The following NDST3 variants were observed in gnomAD, a reference collection of about 807,000 sequenced individuals.
The protein encoded by NDST3 is bifunctional heparan sulfate N-deacetylase/N-sulfotransferase 3.
In NDST3, 58 loss-of-function variants were observed where a neutral mutation model predicts 96.1. That is an observed-to-expected ratio of 0.60 (90% confidence interval 0.49 to 0.75). The LOEUF (loss-of-function observed/expected upper bound fraction) is 0.75. NDST3 is among the 30% of genes least tolerant of loss of function. The pLI is 0.00. For missense variants in NDST3, 788 were observed against 1,034.2 expected, an observed-to-expected ratio of 0.76 and a Z score of 3.27; for synonymous variants, 333 against 359.7, an observed-to-expected ratio of 0.93 and a Z score of 0.84.
intron 6 of NDST3, among the ~76,000 whole-genome samples, chr4:118,163,013 C>G (rs1371249536): frequency 6.6e-6 from 1 of 151,636 alleles, no homozygotes; most frequent in Non-Finnish European, 1.5e-5. Context: ...CTCACCATCA[C>G]TGGCCATCAG....
intron 6 of NDST3, chr4:118,194,002 C>T: frequency 1.8e-6 from 2 of 1,130,924 alleles, no homozygotes; most frequent in Non-Finnish European, 2.7e-6. Context: ...CTGAATTCAT[C>T]TCCCAAGACT....
chr4:118,138,077 GGGCTACGCTGT>G lies in NDST3; in HGVS notation c.1252_1262del (p.Tyr418ProfsTer15). On this transcript the variant is annotated frameshift_variant, in exon 5 of 14. Coordinates refer to ENST00000296499, the MANE Select transcript of NDST3 (RefSeq NM_004784.3). LOFTEE classifies it high-confidence loss of function. Reference sequence around the variant, plus strand: ...AGGAGCACGGCATTCCAACGGACATGGGCTACGCTGTGGCCCCTCACCATTCGGGCGTCTAC... The same window carrying G: ...AGGAGCACGGCATTCCAACGGACATGGGCCCCTCACCATTCGGGCGTCTAC... The G allele has an allele frequency of 6.2e-7, 1 of 1,612,260 alleles. No individual in the cohort carries two copies. Among genetic ancestry groups the G allele is most frequent in the Non-Finnish European group, 8.5e-7 (1 of 1,179,180 alleles).
In NDST3 at chr4:118,258,393, C is replaced by A. The variant is rs1045888061; in HGVS notation, c.*2681C>A. ...ATATGAGAGAATAATGAGAGATAAT[C>A]TGATTTAAAACTAGCTTTGTATAGA... On this transcript the variant is annotated 3_prime_UTR_variant, in exon 14 of 14. Coordinates refer to ENST00000296499, the MANE Select transcript of NDST3 (RefSeq NM_004784.3). 6 of 152,162 alleles carry A rather than the reference C, an allele frequency of 3.9e-5. No individual in the cohort carries two copies. The highest frequency in any genetic ancestry group is 1.4e-4 in the African/African-American group (6 of 41,426). The allele number at this position is 152,162 out of a possible 1,614,324, so 9.4% of individuals were successfully genotyped here.
chr4:118,189,201 CA>C (rs1441297837), intron 6 of NDST3, among the ~76,000 whole-genome samples: 2 of 152,084 alleles, frequency 1.3e-5, no homozygotes, highest in East Asian at 3.9e-4. Flanking sequence ...AGGTACACGC[CA>C]GCATGCCTGG....
At chr4:118,168,896 C>T in intron 6 of NDST3, among the ~76,000 whole-genome samples, 1 of 152,080 alleles carries the variant, frequency 6.6e-6, no homozygotes, top group East Asian at 1.9e-4. Context: ...CTGCTTGATT[C>T]CACTTAACAT....
intron 3 of NDST3, among the ~76,000 whole-genome samples, chr4:118,110,065 G>C (rs1730516938): frequency 6.6e-6 from 1 of 152,022 alleles, no homozygotes; most frequent in Non-Finnish European, 1.5e-5. Context: ...AACTTAAAGG[G>C]GCCCAAGGTC....
At chr4:118,164,886 G>T (rs1205942080) in intron 6 of NDST3, among the ~76,000 whole-genome samples, 1 of 152,012 alleles carries the variant, frequency 6.6e-6, no homozygotes, top group Non-Finnish European at 1.5e-5. Context: ...ACTATAAGAT[G>T]TTTTATGTAA....
At chr4:118,072,333 T>G (rs1727148307) in intron 2 of NDST3, among the ~76,000 whole-genome samples, 1 of 152,172 alleles carries the variant, frequency 6.6e-6, no homozygotes, top group African/African-American at 2.4e-5. Flanking sequence ...ATGGCAATTT[T>G]AACAATATTG....
chr4:118,173,438 G>A (rs553528635), intron 6 of NDST3, among the ~76,000 whole-genome samples: 1 of 152,076 alleles, frequency 6.6e-6, no homozygotes, highest in African/African-American at 2.4e-5. Flanking sequence ...TATCCTAAGG[G>A]ATGTAGTATA....
intron 6 of NDST3, among the ~76,000 whole-genome samples, chr4:118,185,429 G>C (rs1421073369): frequency 2.7e-5 from 4 of 150,502 alleles, no homozygotes; most frequent in African/African-American, 9.7e-5. Flanking sequence ...ATAAGATAAA[G>C]TGGTATCTAA....
intron 2 of NDST3, among the ~76,000 whole-genome samples, chr4:118,087,058 T>C (rs1728481877): frequency 6.6e-6 from 1 of 152,072 alleles, no homozygotes; most frequent in Non-Finnish European, 1.5e-5. Context: ...TTTTTTTTTG[T>C]TTCTAGACAA....
intron 1 of NDST3, among the ~76,000 whole-genome samples, chr4:118,051,639 G>T (rs1463009181): frequency 6.6e-6 from 1 of 151,924 alleles, no homozygotes; most frequent in Non-Finnish European, 1.5e-5. Context: ...GCAAGAGAAA[G>T]AAATAAGGCA....
intron 6 of NDST3, among the ~76,000 whole-genome samples, chr4:118,169,115 AT>A (rs33923588): frequency 0.066 from 10,098 of 152,136 alleles, 733 homozygotes; most frequent in African/African-American, 0.18. Flanking sequence ...ATATTGTTGT[AT>A]TTTTTTACCA....
At chr4:118,225,336 T>G (rs563987670) in intron 7 of NDST3, among the ~76,000 whole-genome samples, 40 of 152,342 alleles carry the variant, frequency 2.6e-4, no homozygotes, top group Non-Finnish European at 5.3e-4. Context: ...GTCCACTCCA[T>G]GATCTGTGAA....
At chr4:118,126,825 T>G (rs1265947471) in intron 4 of NDST3, among the ~76,000 whole-genome samples, 1 of 152,056 alleles carries the variant, frequency 6.6e-6, no homozygotes, top group African/African-American at 2.4e-5. Flanking sequence ...GTATAACGGT[T>G]TTCTTTTCTC....
chr4:118,218,513 C>T (rs1268474263), intron 6 of NDST3, among the ~76,000 whole-genome samples: 1 of 152,058 alleles, frequency 6.6e-6, no homozygotes, highest in Non-Finnish European at 1.5e-5. Flanking sequence ...TAAAAACTCC[C>T]AATAAATGAG....
intron 12 of NDST3, among the ~76,000 whole-genome samples, chr4:118,244,831 T>C (rs1318993006): frequency 1.3e-5 from 2 of 152,208 alleles, no homozygotes; most frequent in African/African-American, 4.8e-5. Context: ...CACTGAAGAA[T>C]CTGTGATGTC....
At chr4:118,153,690 G>C (rs1337591437) in intron 6 of NDST3, among the ~76,000 whole-genome samples, 2 of 152,108 alleles carry the variant, frequency 1.3e-5, no homozygotes, top group African/African-American at 4.8e-5. Context: ...CGGGCGTGGT[G>C]GTGCATGCCT....
At chr4:118,247,519 T>C (rs1741396148) in intron 12 of NDST3, among the ~76,000 whole-genome samples, 1 of 151,558 alleles carries the variant, frequency 6.6e-6, no homozygotes, top group South Asian at 2.1e-4. Flanking sequence ...GCCACTGCAA[T>C]CCAGCCTGGG....
Sources: gnomAD v4.1 joint callset for allele counts (sites outside exome capture counted in the v4.1 genomes callset) on GRCh38, gnomAD v4.1.1 for gene constraint, MANE v1.5 for transcripts, NCBI Gene and HGNC (gene_info 2026-07-23, HGNC 2026-07-21) for gene names.